Variants in DYNC2LI1 observed in about 807,000 individuals in gnomAD.
DYNC2LI1 encodes the protein cytoplasmic dynein 2 light intermediate chain 1.
In DYNC2LI1, 45 loss-of-function variants were observed where a neutral mutation model predicts 51.9. That is an observed-to-expected ratio of 0.87 (90% CI 0.68 to 1.11). The LOEUF (loss-of-function observed/expected upper bound fraction) is 1.11. Ranked by LOEUF, DYNC2LI1 falls within the 50% of genes most tolerant of loss-of-function variation. The pLI, the probability that DYNC2LI1 is intolerant of heterozygous loss-of-function variation, is 0.00. For missense variants in DYNC2LI1, 490 were observed against 417.4 expected (o/e 1.17, Z -1.51); for synonymous variants, 130 against 137.8 (o/e 0.94, Z 0.40).
At chr2:43,813,909 G>A (rs1160116160), downstream of DYNC2LI1, among the ~76,000 whole-genome samples, 1 of 151,532 alleles carries the variant, frequency 6.6e-6, no homozygotes, top group Non-Finnish European at 1.5e-5. Context: ...AGTAGAGACA[G>A]GTTTTTGCCA....
the DYNC2LI1 span, chr2:43,827,943 G>T: frequency 6.2e-7 from 1 of 1,612,182 alleles, no homozygotes; most frequent in Non-Finnish European, 8.5e-7. Context: ...CACAGAAGAT[G>T]CCCAGACAGC....
At chr2:43,781,440 A>G (rs1673277266) in intron 2 of DYNC2LI1, among the ~76,000 whole-genome samples, 1 of 151,694 alleles carries the variant, frequency 6.6e-6, no homozygotes, top group African/African-American at 2.4e-5. Flanking sequence ...AAATTTGAGG[A>G]AATTGGCTAG....
intron 12 of DYNC2LI1, among the ~76,000 whole-genome samples, chr2:43,809,220 G>A (rs1298688207): frequency 6.6e-6 from 1 of 151,994 alleles, no homozygotes; most frequent in African/African-American, 2.4e-5. Flanking sequence ...TCAAATTCCT[G>A]GGCTCAAGCA....
At chr2:43,820,914 A>T in the DYNC2LI1 span, among the ~76,000 whole-genome samples, 16 of 152,248 alleles carry the variant, frequency 1.1e-4, no homozygotes, top group East Asian at 1.9e-3. Context: ...TCAGCCTCCC[A>T]AAGTGCTAGG....
chr2:43,786,038 A>C (rs1392966243), intron 3 of DYNC2LI1, among the ~76,000 whole-genome samples: 1 of 152,262 alleles, frequency 6.6e-6, no homozygotes, highest in Non-Finnish European at 1.5e-5. Context: ...TATAAGCTAT[A>C]GTATAAATAA....
intron 5 of DYNC2LI1, chr2:43,792,781 T>C: frequency 2.6e-6 from 4 of 1,540,638 alleles, no homozygotes; most frequent in Non-Finnish European, 2.6e-6. Context: ...ATTTATTTCA[T>C]TTAGCATAAC....
rs976433189 is a variant in DYNC2LI1, at chr2:43,795,716, T to C, written c.508-174T>C. On this transcript the variant is annotated intron_variant, in intron 6 of 12. Transcript: ENST00000260605. ...ATTGCCATTTCTAGTTTTACACTTA[T>C]GAAATATAGCTTAGGAAGTGAAAGT... Among the ~76,000 whole-genome samples the C allele has an allele frequency of 1.6e-4, 24 of 152,312 alleles. 1 individual carries two copies. Among genetic ancestry groups the C allele is most frequent in the South Asian group, 6.2e-4 (3 of 4,834 alleles).
rs536977133 is a variant in DYNC2LI1, at chr2:43,807,743, CAAAAAAAAAAAAAAAAAA to C, written c.994-1949_994-1932del. ...TTCTTTTCTATTATTTTTGTTAAAG[CAAAAAAAAAAAAAAAAAA>C]AAAAAAAAAAAAGGTTACAGTTAAC... On this transcript the variant is annotated intron_variant, in intron 12 of 12. Transcript: ENST00000260605. Among the ~76,000 whole-genome samples, 6 of 41,632 alleles carry C rather than the reference CAAAAAAAAAAAAAAAAAA, an allele frequency of 1.4e-4. No individual in the cohort carries two copies. The East Asian group carries it at 3.8e-3, about 27-fold the overall frequency. The allele number at this position is 41,632 out of a possible 152,430, so 27.3% of individuals were successfully genotyped here.
chr2:43,828,333 A>T, the DYNC2LI1 span: 2 of 652,794 alleles, frequency 3.1e-6, no homozygotes, highest in South Asian at 3.8e-5. Context: ...AATAATATGA[A>T]TTTTTTAAAA....
chr2:43,789,639 G>C lies in DYNC2LI1; in HGVS notation c.238G>C (p.Asp80His). The C allele has an allele frequency of 1.2e-6, 2 of 1,613,404 alleles. No individual in the cohort carries two copies. Among genetic ancestry groups the C allele is most frequent in the Non-Finnish European group, 8.5e-7 (1 of 1,179,768 alleles). The change falls in exon 5 of 13, where the codon GAT becomes CAT. Residue 80 changes from aspartate (D) to histidine (H), a missense_variant. Physicochemically the swap from Asp to His is moderately conservative, Grantham distance 81. Transcript: ENST00000260605. ...RRAKGHNTPKDIAHFWELGGG... is the reference protein window; with the variant it reads ...RRAKGHNTPKHIAHFWELGGG... ...AAAAATTTTTGTTTTTCAGCCAAAA[G>C]ATATCGCTCACTTTTGGGAACTCGG...
intron 11 of DYNC2LI1, 84 bp downstream of exon 11, chr2:43,804,823 T>G (rs2116548): frequency 2.5e-6 from 2 of 796,568 alleles, no homozygotes; most frequent in South Asian, 2.4e-5. Context: ...CTTATTATGA[T>G]AACTTTGTTT....
intron 12 of DYNC2LI1, among the ~76,000 whole-genome samples, chr2:43,806,012 C>T (rs529421573): frequency 2.6e-5 from 4 of 151,888 alleles, no homozygotes; most frequent in Non-Finnish European, 5.9e-5. Context: ...TCCTGAGTGG[C>T]TGGGATTACA....
chr2:43,810,025 A>G, downstream of DYNC2LI1: 2 of 957,336 alleles, frequency 2.1e-6, no homozygotes, highest in Non-Finnish European at 2.7e-6. Context: ...TTTAAGTGGT[A>G]TATACTCAAT....
chr2:43,785,105 T>C (rs10205879), intron 3 of DYNC2LI1, among the ~76,000 whole-genome samples: 43,419 of 151,630 alleles, frequency 0.29, 6,711 homozygotes, highest in Middle Eastern at 0.46. Flanking sequence ...CAAGACCAGC[T>C]TGGCCAACAT....
intron 5 of DYNC2LI1, chr2:43,792,945 T>A: frequency 1.3e-6 from 1 of 766,604 alleles, no homozygotes; most frequent in Non-Finnish European, 1.9e-6. Flanking sequence ...CTATTGTGAG[T>A]AATGCTGGTA....
chr2:43,776,319 T>A (rs1412912007), intron 1 of DYNC2LI1, among the ~76,000 whole-genome samples: 3 of 152,170 alleles, frequency 2.0e-5, no homozygotes, highest in African/African-American at 4.8e-5. Flanking sequence ...AATTTTTTTT[T>A]ACCTAAAAAC....
intron 4 of DYNC2LI1, among the ~76,000 whole-genome samples, chr2:43,788,559 C>T (rs1461650894): frequency 1.3e-5 from 2 of 152,128 alleles, no homozygotes; most frequent in South Asian, 2.1e-4. Flanking sequence ...AGGACAGAAG[C>T]AGAAATGCCA....
intron 2 of DYNC2LI1, among the ~76,000 whole-genome samples, chr2:43,782,011 A>ATGTGTGTGTGTG (rs72178749): frequency 0.026 from 3,842 of 148,714 alleles, 83 homozygotes; most frequent in Admixed American, 0.086. Context: ...GTTTCTGTCT[A>ATGTGTGTGTGTG]TGTGTGTGTG....
intron 2 of DYNC2LI1, among the ~76,000 whole-genome samples, chr2:43,779,487 C>T (rs1253491410): frequency 6.6e-6 from 1 of 152,184 alleles, no homozygotes; most frequent in East Asian, 1.9e-4. Context: ...CTGCTAGACA[C>T]TGTGGAAACA....
Sources: gnomAD v4.1 joint callset for allele counts (sites outside exome capture counted in the v4.1 genomes callset) on GRCh38, gnomAD v4.1.1 for gene constraint, MANE v1.5 for transcripts, NCBI Gene and HGNC (gene_info 2026-07-23, HGNC 2026-07-21) for gene names.